SCN2A: variants seen among roughly 807,000 people sequenced by gnomAD.
The protein encoded by SCN2A is sodium channel protein type 2 subunit alpha.
Under a neutral mutation model 188.7 loss-of-function variants are expected in SCN2A, and 20 were observed. The ratio of observed to expected loss-of-function variants is 0.11; its 90% CI spans 0.07 to 0.15. The LOEUF (loss-of-function observed/expected upper bound fraction) is 0.15, where lower values mean the gene tolerates loss of function less well. SCN2A is among the 10% of genes least tolerant of loss of function. SCN2A has a pLI of 1.00. For synonymous variants in SCN2A, 804 were observed against 833.1 expected, an observed-to-expected ratio of 0.97 and a Z score of 0.60; for missense variants, 1,278 against 2,445.0, an observed-to-expected ratio of 0.52 and a Z score of 10.07.
At chr2:165,283,658 A>G (rs1376810757) in intron 1 of SCN2A, among the ~76,000 whole-genome samples, 1 of 152,204 alleles carries the variant, frequency 6.6e-6, no homozygotes, top group East Asian at 1.9e-4. Flanking sequence ...GTGGGATTCT[A>G]TAAACATCTT....
intron 14 of SCN2A, among the ~76,000 whole-genome samples, chr2:165,340,904 G>T (rs1699274185): frequency 6.6e-6 from 1 of 152,098 alleles, no homozygotes; most frequent in African/African-American, 2.4e-5. Context: ...CGGTCTTGTT[G>T]GTGAAGTTTG....
At chr2:165,258,096 A>C (rs1288833828) in intron 1 of SCN2A, among the ~76,000 whole-genome samples, 1 of 151,834 alleles carries the variant, frequency 6.6e-6, no homozygotes, top group Non-Finnish European at 1.5e-5. Flanking sequence ...GTTTGCAAAT[A>C]TTTTCTCCCA....
intron 1 of SCN2A, chr2:165,243,683 C>A (rs1693720249): frequency 6.6e-6 from 1 of 151,890 alleles, no homozygotes; most frequent in Non-Finnish European, 1.5e-5. Context: ...ACCAGAAGTT[C>A]CTTTTTTCTC....
intron 1 of SCN2A, chr2:165,269,658 A>AT (rs1695019434): frequency 6.6e-6 from 1 of 152,046 alleles, no homozygotes; most frequent in African/African-American, 2.4e-5. Flanking sequence ...TTTATGGATT[A>AT]TTAGACAGAT....
At chr2:165,312,829 CGA>C (rs1697514722) in intron 8 of SCN2A, among the ~76,000 whole-genome samples, 2 of 152,042 alleles carry the variant, frequency 1.3e-5, no homozygotes, top group Admixed American at 6.6e-5. Flanking sequence ...TTTCTTTGGA[CGA>C]TGATACTGTG....
chr2:165,262,393 T>G (rs1217904285), intron 1 of SCN2A, among the ~76,000 whole-genome samples: 1 of 152,086 alleles, frequency 6.6e-6, no homozygotes, highest in African/African-American at 2.4e-5. Flanking sequence ...CCCTGAGTCC[T>G]CAAAGTCCAT....
At chr2:165,296,111 C>A (rs760341479) in intron 2 of SCN2A, 21 bp downstream of exon 2, 7 of 1,607,612 alleles carry the variant, frequency 4.4e-6, no homozygotes, top group Non-Finnish European at 5.1e-6. Context: ...AGTCAAGTTG[C>A]CTTCACTGCC....
intron 3 of SCN2A, among the ~76,000 whole-genome samples, chr2:165,298,350 T>G (rs934468077): frequency 1.3e-5 from 2 of 152,314 alleles, no homozygotes; most frequent in East Asian, 3.9e-4. Context: ...AGGGTACTTA[T>G]GTCATTTCTG....
intron 1 of SCN2A, among the ~76,000 whole-genome samples, chr2:165,244,251 T>G (rs1314814035): frequency 2.0e-5 from 3 of 151,176 alleles, no homozygotes; most frequent in Non-Finnish European, 4.4e-5. Flanking sequence ...CAAAAATAAA[T>G]AAATAAATAA....
chr2:165,309,162 C>T, intron 5 of SCN2A, 190 bp from the exon 6 acceptor site: 1 of 1,613,012 alleles, frequency 6.2e-7, no homozygotes, highest in South Asian at 1.1e-5. Flanking sequence ...TTTAATTCTA[C>T]AGGTATGTAA....
chr2:165,362,236 G>A (rs1700496588), intron 17 of SCN2A, among the ~76,000 whole-genome samples: 1 of 151,912 alleles, frequency 6.6e-6, no homozygotes, highest in Non-Finnish European at 1.5e-5. Flanking sequence ...CCTTTCAATA[G>A]ATAAATATTT....
chr2:165,276,433 T>C (rs1224581141), intron 1 of SCN2A, among the ~76,000 whole-genome samples: 1 of 152,186 alleles, frequency 6.6e-6, no homozygotes, highest in Non-Finnish European at 1.5e-5. Flanking sequence ...TATTTTGACA[T>C]GTTTTGCTGA....
At chr2:165,302,022 A>G (rs1696840674) in intron 3 of SCN2A, among the ~76,000 whole-genome samples, 1 of 152,216 alleles carries the variant, frequency 6.6e-6, no homozygotes, top group Non-Finnish European at 1.5e-5. Context: ...GATTTAATAT[A>G]CTTGGGGCAT....
chr2:165,291,510 TCTTCCTCTC>T (rs1295249025), intron 1 of SCN2A, among the ~76,000 whole-genome samples: 30 of 133,660 alleles, frequency 2.2e-4, no homozygotes, highest in South Asian at 5.0e-4. Flanking sequence ...TTTCTTTCTT[TCTTCCTCTC>T]CTTTCTTTCC....
chr2:165,304,558 T>C (rs755706945), intron 3 of SCN2A, among the ~76,000 whole-genome samples: 16 of 152,232 alleles, frequency 1.1e-4, no homozygotes, highest in Non-Finnish European at 2.2e-4. Flanking sequence ...ATAGACATGA[T>C]TCCTGTCCTC....
In SCN2A at chr2:165,370,235, T is replaced by A. The variant is rs1405918121; in HGVS notation, c.3785T>A (p.Val1262Asp). 6.2e-7 allele frequency: 1 copy of A among 1,614,140 alleles called. No homozygotes were observed. Reference protein sequence around the residue: ...IFILEMLLKWVAYGFQVYFTN... With the variant: ...IFILEMLLKWDAYGFQVYFTN... ...ATTCTGGAAATGCTGCTAAAGTGGGTTGCATATGGTTTTCAAGTGTATTTT... is the reference window on the plus strand; with the variant it reads ...ATTCTGGAAATGCTGCTAAAGTGGGATGCATATGGTTTTCAAGTGTATTTT... The change falls in exon 20 of 27, where the codon GTT becomes GAT. Residue 1262 changes from valine (V) to aspartate (D), a missense_variant. By Grantham distance (152) the Val-to-Asp change is radical (BLOSUM62 -3). Around this residue, in one of 17 missense-constraint regions of SCN2A, gnomAD observed 39 missense variants for 130.2 expected, o/e 0.30. Transcript: ENST00000375437.
At chr2:165,338,848 A>C (rs1329903722) in intron 14 of SCN2A, among the ~76,000 whole-genome samples, 1 of 152,182 alleles carries the variant, frequency 6.6e-6, no homozygotes, top group African/African-American at 2.4e-5. Flanking sequence ...GACAAAACTC[A>C]ACAGTCATTT....
intron 1 of SCN2A, among the ~76,000 whole-genome samples, chr2:165,263,688 A>G (rs1310740321): frequency 6.6e-6 from 1 of 152,012 alleles, no homozygotes; most frequent in Non-Finnish European, 1.5e-5. Context: ...TCTTGCTCTG[A>G]CTATGCGGGC....
At chr2:165,266,362 G>C (rs1169007657) in intron 1 of SCN2A, 1 of 151,888 alleles carries the variant, frequency 6.6e-6, no homozygotes, top group Non-Finnish European at 1.5e-5. Context: ...ATATCTTAAG[G>C]CAGAATAATT....
Sources: allele counts gnomAD v4.1 joint callset (sites outside exome capture counted in the v4.1 genomes callset), GRCh38; gene constraint gnomAD v4.1.1; regional missense constraint gnomAD v4.1.1; transcripts MANE v1.5; gene names NCBI Gene and HGNC (gene_info 2026-07-23, HGNC 2026-07-21).